SERAC1: variants seen among roughly 807,000 people sequenced by gnomAD.
SERAC1 encodes the protein serine active site containing 1, also known as protein SERAC1.
A neutral mutation model predicts 85.7 loss-of-function variants in SERAC1; 36 were observed. The observed-to-expected ratio is 0.42, with a 90% confidence interval of 0.32 to 0.55. The LOEUF (loss-of-function observed/expected upper bound fraction) is 0.55. Ranked by LOEUF, SERAC1 falls within the 20% of genes least tolerant of loss-of-function variation. The pLI, the probability that SERAC1 is intolerant of heterozygous loss-of-function variation, is 0.11. For missense variants in SERAC1, 629 were observed against 796.2 expected (o/e 0.79, Z 2.53); for synonymous variants, 242 against 265.3 (o/e 0.91, Z 0.85).
chr6:158,114,626 CAAAG>C (rs1171111648), intron 15 of SERAC1, 159 bp downstream of exon 15: 1 of 1,308,952 alleles, frequency 7.6e-7, no homozygotes. Flanking sequence ...GAGAAATTAT[CAAAG>C]AAAAATCAAG....
intron 5 of SERAC1, among the ~76,000 whole-genome samples, chr6:158,147,769 A>AGG (rs1491356665): frequency 1.1e-4 from 2 of 17,856 alleles, no homozygotes; most frequent in African/African-American, 2.6e-4. Context: ...GCTCTGTCTC[A>AGG]AAAAAAAAAA....
intron 10 of SERAC1, among the ~76,000 whole-genome samples, chr6:158,121,604 T>A (rs1444699655): frequency 8.4e-5 from 9 of 107,276 alleles, no homozygotes; most frequent in Non-Finnish European, 1.8e-4. Context: ...ACTGTGATGA[T>A]GGGAAGCTAG....
chr6:158,137,450 A>C (rs1784820170), intron 8 of SERAC1, among the ~76,000 whole-genome samples: 1 of 152,168 alleles, frequency 6.6e-6, no homozygotes, highest in Admixed American at 6.5e-5. Context: ...TATTTACTTA[A>C]AGGATGGATA....
At chr6:158,135,574 A>C (rs914069301) in intron 8 of SERAC1, among the ~76,000 whole-genome samples, 3 of 152,170 alleles carry the variant, frequency 2.0e-5, no homozygotes, top group Non-Finnish European at 4.4e-5. Context: ...GAAAATTCAA[A>C]TATGGAGTAT....
intron 8 of SERAC1, 92 bp from the exon 9 acceptor site, chr6:158,130,578 T>G: frequency 1.4e-6 from 1 of 730,538 alleles, no homozygotes; most frequent in Non-Finnish European, 2.2e-6. Context: ...TAATAGATGG[T>G]GTTAGAAAAT....
intron 1 of SERAC1, chr6:158,162,018 T>G (rs929636499): frequency 5.3e-5 from 8 of 152,260 alleles, no homozygotes; most frequent in African/African-American, 1.9e-4. Flanking sequence ...ACATTGCTCC[T>G]TATGCCTCCT....
chr6:158,126,343 T>C (rs2128414447), intron 10 of SERAC1, among the ~76,000 whole-genome samples: 1 of 152,252 alleles, frequency 6.6e-6, no homozygotes, highest in East Asian at 1.9e-4. Context: ...AATGTGGGCA[T>C]ATCATAAAGG....
At chr6:158,114,007 C>T (rs909329461) in intron 15 of SERAC1, among the ~76,000 whole-genome samples, 3 of 151,958 alleles carry the variant, frequency 2.0e-5, no homozygotes, top group African/African-American at 7.3e-5. Context: ...CAAGAGGCAC[C>T]AGATAGGCCT....
rs952279816 is a variant in SERAC1, at chr6:158,119,304, T to G, written c.1167-134A>C. On this transcript the variant is annotated intron_variant, in intron 11 of 16. Coordinates refer to ENST00000647468, the MANE Select transcript of SERAC1 (RefSeq NM_032861.4). The surrounding 1 kb of genome is among the most constrained non-coding windows in gnomAD (Gnocchi z 4.5). ...TAAAACTGAATTAAAGCAAGCTCTA[T>G]AAGCACAGGTTTGCTGGGAAAACCT... The G allele has an allele frequency of 1.1e-4, 117 of 1,064,066 alleles. No individual in the cohort carries two copies. Among genetic ancestry groups the G allele is most frequent in the Admixed American group, 2.4e-4 (8 of 33,392 alleles). The allele number at this position is 1,064,066 out of a possible 1,614,324, so 65.9% of individuals were successfully genotyped here.
chr6:158,131,191 G>C (rs577701808), intron 8 of SERAC1, among the ~76,000 whole-genome samples: 1 of 150,574 alleles, frequency 6.6e-6, no homozygotes. Context: ...ACAAGTCAGT[G>C]ACAAAAAATA....
chr6:158,144,458 T>C (rs1394871072), intron 6 of SERAC1, 38 bp from the exon 7 acceptor site: 1 of 1,530,652 alleles, frequency 6.5e-7, no homozygotes, highest in Non-Finnish European at 8.9e-7. Flanking sequence ...ATACCAAAAC[T>C]AGCTGACAGA....
chr6:158,137,992 C>T (rs1440268325), intron 8 of SERAC1, among the ~76,000 whole-genome samples: 3 of 152,128 alleles, frequency 2.0e-5, no homozygotes, highest in South Asian at 2.1e-4. Context: ...TGTCAGAAGA[C>T]GCAGGTCCTC....
Position 158,130,404 on chromosome 6 carries a change from A to G in SERAC1, c.821T>C (p.Phe274Ser). 6.9e-6 allele frequency: 11 copies of G among 1,595,908 alleles called. No homozygotes were observed. The highest frequency in any genetic ancestry group is 1.8e-5 in the Admixed American group (1 of 56,540). ...GEVPSATVEM[F>S]CLEAIVKHSE... ...ATGTTTTACTATAGCTTCTAAACAG[A>G]ACATTTCCACTGTTGCTGAAGGAAC... The change falls in exon 9 of 17, where the codon TTC becomes TCC. Residue 274 changes from phenylalanine to serine, a missense_variant. Transcript: ENST00000647468.
rs763936729 is a variant in SERAC1, at chr6:158,119,060, T to A, written c.1277A>T (p.Asp426Val). 1 of 1,613,716 alleles carries A rather than the reference T, an allele frequency of 6.2e-7. No homozygotes were observed. Among genetic ancestry groups the A allele is most frequent in the Non-Finnish European group, 8.5e-7 (1 of 1,179,776 alleles). ...CCAGCACGTCGTATATCTGTCTTCATCCTCCATAGGTTTTTCAATTACAGC... is the reference window on the plus strand; with the variant it reads ...CCAGCACGTCGTATATCTGTCTTCAACCTCCATAGGTTTTTCAATTACAGC... ...EQAVIEKPME[D>V]EDRYTTCWPK... Residue 426 changes from aspartate to valine, a missense_variant, in exon 12 of 17, where the codon GAT becomes GTT. Coordinates refer to ENST00000647468, the MANE Select transcript of SERAC1 (RefSeq NM_032861.4). This position sits in a 1 kb window ranked among gnomAD's most constrained non-coding sequence, Gnocchi z 4.5.
chr6:158,133,191 CGGGAGGCTGAGGT>C (rs1784716873), intron 8 of SERAC1, among the ~76,000 whole-genome samples: 1 of 151,470 alleles, frequency 6.6e-6, no homozygotes. Context: ...CCCAGCTACC[CGGGAGGCTGAGGT>C]GGGAGGATTG....
chr6:158,151,252 A>T (rs1349408055), intron 3 of SERAC1: 2 of 149,492 alleles, frequency 1.3e-5, no homozygotes, highest in Non-Finnish European at 3.0e-5. Flanking sequence ...TTAAAAAGTT[A>T]AAAAAAAAAA....
chr6:158,163,356 TTTATAAGTAGAGGGAATAGATGAATACAC>T (rs1294218064), intron 1 of SERAC1, among the ~76,000 whole-genome samples: 1 of 152,236 alleles, frequency 6.6e-6, no homozygotes, highest in Non-Finnish European at 1.5e-5. Context: ...ATTTTATTTT[TTTATAAGTAGAGGGAATAGATGAATACAC>T]TATAAAATAA....
chr6:158,111,977 C>T (rs1375410118), intron 16 of SERAC1: 1 of 152,910 alleles, frequency 6.5e-6, no homozygotes, highest in Admixed American at 6.5e-5. Context: ...TAACAAAGTC[C>T]CCTCGCACGG....
At chr6:158,114,641 C>A in intron 15 of SERAC1, 148 bp downstream of exon 15, 2 of 1,127,128 alleles carry the variant, frequency 1.8e-6, no homozygotes, top group Non-Finnish European at 2.2e-6. Flanking sequence ...AAAAATCAAG[C>A]CCAACCCAAA....
Sources: allele counts gnomAD v4.1 joint callset (sites outside exome capture counted in the v4.1 genomes callset), GRCh38; gene constraint gnomAD v4.1.1; non-coding constraint Gnocchi (gnomAD v3.1); transcripts MANE v1.5; gene names NCBI Gene and HGNC (gene_info 2026-07-23, HGNC 2026-07-21).